WASF1: variants seen among roughly 807,000 people sequenced by gnomAD.
WASF1 encodes actin-binding protein WASF1.
Under a neutral mutation model 50.5 loss-of-function variants are expected in WASF1, and 7 were observed. The ratio of observed to expected loss-of-function variants is 0.14; its 90% CI spans 0.08 to 0.26. The LOEUF is 0.26. WASF1 is among the 10% of genes least tolerant of loss of function. The pLI is 1.00. For synonymous variants in WASF1, 205 were observed against 244.0 expected, an observed-to-expected ratio of 0.84 and a Z score of 1.49; for missense variants, 470 against 694.7, an observed-to-expected ratio of 0.68 and a Z score of 3.64.
intron 3 of WASF1, among the ~76,000 whole-genome samples, chr6:110,130,539 T>C (rs932201363): frequency 2.0e-5 from 3 of 152,234 alleles, no homozygotes; most frequent in Admixed American, 1.3e-4. Context: ...TCATCCATAC[T>C]GCTCTGTGCA....
chr6:110,162,066 A>G (rs1163158669), intron 2 of WASF1, among the ~76,000 whole-genome samples: 2 of 151,574 alleles, frequency 1.3e-5, no homozygotes, highest in Non-Finnish European at 3.0e-5. Flanking sequence ...TATCTGAAGT[A>G]CAAACTGGGC....
intron 3 of WASF1, among the ~76,000 whole-genome samples, chr6:110,149,637 A>ACAAAATCAG (rs1218355230): frequency 6.6e-6 from 1 of 152,234 alleles, no homozygotes; most frequent in Non-Finnish European, 1.5e-5. Flanking sequence ...CTCTAAGTTC[A>ACAAAATCAG]CAAAATCAGT....
intron 3 of WASF1, among the ~76,000 whole-genome samples, chr6:110,152,399 G>A (rs947116022): frequency 6.6e-6 from 1 of 151,966 alleles, no homozygotes; most frequent in African/African-American, 2.4e-5. Flanking sequence ...CCTTAAGTTG[G>A]GATTCTGTTA....
At chr6:110,147,936 G>A (rs746943942) in intron 3 of WASF1, among the ~76,000 whole-genome samples, 4 of 152,080 alleles carry the variant, frequency 2.6e-5, no homozygotes, top group Admixed American at 6.5e-5. Context: ...TTGAAGAGAC[G>A]AGATTTTGCC....
intron 3 of WASF1, among the ~76,000 whole-genome samples, chr6:110,159,463 A>AT (rs1776171574): frequency 6.6e-6 from 1 of 150,798 alleles, no homozygotes; most frequent in Non-Finnish European, 1.5e-5. Flanking sequence ...ACATTACAAT[A>AT]TTTTTTCCAC....
intron 6 of WASF1, 35 bp downstream of exon 6, chr6:110,108,493 T>A (rs374402596): frequency 6.4e-7 from 1 of 1,552,478 alleles, no homozygotes; most frequent in Middle Eastern, 1.7e-4. Context: ...AAGTCTGAGA[T>A]AAATAATAGG....
chr6:110,154,915 A>G (rs924761662), intron 3 of WASF1, among the ~76,000 whole-genome samples: 1 of 152,140 alleles, frequency 6.6e-6, no homozygotes, highest in African/African-American at 2.4e-5. Context: ...AGTCAGGCAC[A>G]TGTAAAAACT....
intron 2 of WASF1, among the ~76,000 whole-genome samples, chr6:110,167,055 A>G (rs746866474): frequency 6.6e-6 from 1 of 151,816 alleles, no homozygotes; most frequent in East Asian, 1.9e-4. Context: ...AAAAATTCCT[A>G]TCACCTAGTA....
At chr6:110,158,970 G>A (rs1340149619) in intron 3 of WASF1, among the ~76,000 whole-genome samples, 1 of 151,794 alleles carries the variant, frequency 6.6e-6, no homozygotes, top group Non-Finnish European at 1.5e-5. Flanking sequence ...TAACCAAATA[G>A]CCATTTACTG....
intron 5 of WASF1, 107 bp from the exon 6 acceptor site, chr6:110,108,788 G>A (rs1042094147): frequency 9.6e-7 from 1 of 1,042,408 alleles, no homozygotes; most frequent in East Asian, 2.6e-5. Flanking sequence ...GGCTCAAGAG[G>A]TTGTGACCTT....
At chr6:110,161,232 A>G (rs912537293) in intron 2 of WASF1, among the ~76,000 whole-genome samples, 2 of 151,636 alleles carry the variant, frequency 1.3e-5, no homozygotes, top group African/African-American at 4.8e-5. Flanking sequence ...GTACTGTTTA[A>G]CTGTACTAAA....
At position 110,108,546 on chromosome 6, in the gene WASF1, T is replaced by C. The variant is rs775570866; in HGVS notation, c.404A>G (p.Asn135Ser). ...YDVCEQPPPL[N>S]ILTPYRDDGK... ...TACCTACCTATAAGGAGTGAGTATATTGAGAGGTGGAGGCTGTTCACAAAC... is the reference window on the plus strand; with the variant it reads ...TACCTACCTATAAGGAGTGAGTATACTGAGAGGTGGAGGCTGTTCACAAAC... Residue 135 changes from asparagine to serine, a missense_variant, in exon 6 of 11, where the codon AAT becomes AGT. Around this residue, in one of 3 missense-constraint regions of WASF1, gnomAD observed 140 missense variants for 260.5 expected, o/e 0.54. Coordinates refer to ENST00000392589, the MANE Select transcript of WASF1 (RefSeq NM_003931.3). 1.8e-5 allele frequency: 29 copies of C among 1,613,750 alleles called. No homozygotes were observed. In the South Asian group the frequency reaches 2.6e-4, roughly 15 times the overall value.
intron 3 of WASF1, among the ~76,000 whole-genome samples, chr6:110,139,095 G>A (rs1775101524): frequency 6.6e-6 from 1 of 152,230 alleles, no homozygotes; most frequent in Non-Finnish European, 1.5e-5. Flanking sequence ...GGTGGCAGGG[G>A]TTGGTGTGTC....
At chr6:110,158,227 T>C (rs1273947937) in intron 3 of WASF1, among the ~76,000 whole-genome samples, 1 of 36,650 alleles carries the variant, frequency 2.7e-5, no homozygotes, top group Non-Finnish European at 5.1e-5. Context: ...ATTGCCACAA[T>C]TTCAGAGCCT....
intron 3 of WASF1, among the ~76,000 whole-genome samples, chr6:110,150,666 A>G (rs1272028361): frequency 6.6e-6 from 1 of 152,024 alleles, no homozygotes; most frequent in Non-Finnish European, 1.5e-5. Flanking sequence ...AGCAGGAATA[A>G]AAGATTTTTT....
At position 110,115,128 on chromosome 6, in the gene WASF1, A is replaced by G. The variant is rs143136968; in HGVS notation, c.134-1668T>C. Among the ~76,000 whole-genome samples, 876 of 151,528 alleles carry G rather than the reference A, an allele frequency of 5.8e-3. 7 individuals carry two copies. The highest frequency in any genetic ancestry group is 0.02 in the African/African-American group (842 of 41,316). ...TCAAAGAAAAAAAAAAAAACAAAAC[A>G]GAAAAGAAAAAGAAAAAAATTGAGT... is the stretch of plus-strand genomic sequence containing the variant. On this transcript the variant is annotated intron_variant, in intron 4 of 10. Coordinates refer to ENST00000392589, the MANE Select transcript of WASF1 (RefSeq NM_003931.3).
At chr6:110,104,757 C>T (rs1277224890) in intron 8 of WASF1, among the ~76,000 whole-genome samples, 2 of 152,184 alleles carry the variant, frequency 1.3e-5, no homozygotes, top group Non-Finnish European at 2.9e-5. Flanking sequence ...CCACTGCACT[C>T]CACCCTGGGC....
At chr6:110,124,270 CTCTCTA>C (rs1294735963) in intron 4 of WASF1, among the ~76,000 whole-genome samples, 14 of 52,466 alleles carry the variant, frequency 2.7e-4, no homozygotes, top group Admixed American at 4.5e-4. Context: ...CTCTCTCTCT[CTCTCTA>C]TATATATATA....
At chr6:110,101,315 T>A (rs1773074401) in intron 10 of WASF1, among the ~76,000 whole-genome samples, 1 of 152,188 alleles carries the variant, frequency 6.6e-6, no homozygotes, top group African/African-American at 2.4e-5. Flanking sequence ...AAATGTTCTA[T>A]AACATTTAAG....
Sources: allele counts gnomAD v4.1 joint callset (sites outside exome capture counted in the v4.1 genomes callset), GRCh38; gene constraint gnomAD v4.1.1; regional missense constraint gnomAD v4.1.1; transcripts MANE v1.5; gene names NCBI Gene and HGNC (gene_info 2026-07-23, HGNC 2026-07-21).